Variants in CNTN4 observed in about 807,000 individuals in gnomAD.
The protein encoded by CNTN4 is contactin 4, also known as contactin-4.
A neutral mutation model predicts 122.5 loss-of-function variants in CNTN4; 77 were observed. The ratio of observed to expected loss-of-function variants is 0.63; its 90% confidence interval spans 0.52 to 0.76. The LOEUF is 0.76. Among genes scored for constraint, CNTN4 ranks in the 30% least tolerant of loss-of-function variants. The pLI is 0.00. For synonymous variants in CNTN4, 512 were observed against 447.0 expected, an observed-to-expected ratio of 1.15 and a Z score of -1.83; for missense variants, 1,256 against 1,259.1, an observed-to-expected ratio of 1.00 and a Z score of 0.04.
intron 23 of CNTN4, among the ~76,000 whole-genome samples, chr3:3,048,886 C>T (rs1377760816): frequency 6.6e-6 from 1 of 151,980 alleles, no homozygotes; most frequent in Non-Finnish European, 1.5e-5. Context: ...AGTTTAAGGC[C>T]CCAAATATTT....
At position 2,261,671 on chromosome 3, in the gene CNTN4, T is replaced by A. The variant is rs894160940; in HGVS notation, c.-144-77507T>A. 2.8e-4 allele frequency among the ~76,000 whole-genome samples: 42 copies of A among 152,190 alleles called. 1 individual carries two copies. Among genetic ancestry groups the A allele is most frequent in the African/African-American group, 9.7e-4 (40 of 41,442 alleles). On this transcript the variant is annotated intron_variant, in intron 2 of 24. Transcript: ENST00000418658. ...TTTCAGTTTGAAACGGTTCTAAAATTCTATGGAATAGTGAAGGCCCGCTTG... is the reference window on the plus strand; with the variant it reads ...TTTCAGTTTGAAACGGTTCTAAAATACTATGGAATAGTGAAGGCCCGCTTG...
chr3:2,826,722 AG>A (rs1285350308), intron 7 of CNTN4, among the ~76,000 whole-genome samples: 3 of 152,202 alleles, frequency 2.0e-5, no homozygotes, highest in Non-Finnish European at 4.4e-5. Flanking sequence ...CTATGCTGAC[AG>A]GTCACTGAGC....
At chr3:2,526,993 C>T (rs2077421317) in intron 3 of CNTN4, among the ~76,000 whole-genome samples, 1 of 152,126 alleles carries the variant, frequency 6.6e-6, no homozygotes, top group African/African-American at 2.4e-5. Flanking sequence ...ATACCATTAA[C>T]CTCTCTGGAC....
chr3:2,467,629 G>A (rs1257141659), intron 3 of CNTN4, among the ~76,000 whole-genome samples: 1 of 152,112 alleles, frequency 6.6e-6, no homozygotes, highest in African/African-American at 2.4e-5. Flanking sequence ...TATATGTAAA[G>A]GTCCAGGTAG....
chr3:2,319,834 T>C (rs2150201965), intron 2 of CNTN4, among the ~76,000 whole-genome samples: 1 of 152,296 alleles, frequency 6.6e-6, no homozygotes, highest in Non-Finnish European at 1.5e-5. Context: ...GTATATTCTT[T>C]TTGGTGTATA....
intron 3 of CNTN4, among the ~76,000 whole-genome samples, chr3:2,345,816 G>A (rs979937643): frequency 3.3e-5 from 5 of 152,198 alleles, no homozygotes; most frequent in Admixed American, 6.5e-5. Context: ...CTGATGATGA[G>A]TGGGCACCGA....
intron 10 of CNTN4, among the ~76,000 whole-genome samples, chr3:2,890,089 G>T (rs1195142042): frequency 1.3e-5 from 2 of 152,198 alleles, no homozygotes; most frequent in African/African-American, 4.8e-5. Context: ...TGTCAGCCAC[G>T]CTTGGTGTTA....
intron 12 of CNTN4, among the ~76,000 whole-genome samples, chr3:2,910,643 T>TTACTACTTTA (rs1454780586): frequency 6.6e-6 from 1 of 152,210 alleles, no homozygotes; most frequent in Non-Finnish European, 1.5e-5. Context: ...GTAAATGTAT[T>TTACTACTTTA]TACTACTTTA....
chr3:2,357,012 TTTATTATTACAACTTGATAACTAGACCAG>T, intron 3 of CNTN4, among the ~76,000 whole-genome samples: 1 of 152,318 alleles, frequency 6.6e-6, no homozygotes, highest in South Asian at 2.1e-4. Context: ...TATGGTGTTG[TTTATTATTACAACTTGATAACTAGACCAG>T]TACTTCTCAA....
chr3:2,508,808 T>C (rs186381396), intron 3 of CNTN4, among the ~76,000 whole-genome samples: 79 of 152,348 alleles, frequency 5.2e-4, no homozygotes, highest in Non-Finnish European at 6.8e-4. Context: ...TTTTTCCTTC[T>C]CTTTGTTATA....
intron 3 of CNTN4, among the ~76,000 whole-genome samples, chr3:2,443,571 C>G (rs1369152621): frequency 6.6e-6 from 1 of 152,174 alleles, no homozygotes; most frequent in Non-Finnish European, 1.5e-5. Context: ...CAAATCATCA[C>G]AAATCACAAT....
chr3:2,209,584 G>A (rs2038516143), intron 2 of CNTN4, among the ~76,000 whole-genome samples: 1 of 152,036 alleles, frequency 6.6e-6, no homozygotes, highest in Non-Finnish European at 1.5e-5. Flanking sequence ...TGGGTAGTTT[G>A]CCACTTACTA....
At chr3:2,646,614 T>C (rs1443019869) in intron 4 of CNTN4, among the ~76,000 whole-genome samples, 1 of 152,174 alleles carries the variant, frequency 6.6e-6, no homozygotes, top group Admixed American at 6.5e-5. Context: ...TATTAGTAAG[T>C]GTAAGAGTGT....
At chr3:2,353,177 G>A (rs1386875696) in intron 3 of CNTN4, among the ~76,000 whole-genome samples, 3 of 151,892 alleles carry the variant, frequency 2.0e-5, no homozygotes, top group Non-Finnish European at 4.4e-5. Flanking sequence ...TCAGCACTGT[G>A]TATCTAGGAT....
intron 2 of CNTN4, among the ~76,000 whole-genome samples, chr3:2,260,985 C>A (rs1326662864): frequency 1.3e-5 from 2 of 152,106 alleles, no homozygotes; most frequent in African/African-American, 2.4e-5. Flanking sequence ...CCTGCCTCGG[C>A]CTCCCAAAGT....
At position 2,519,784 on chromosome 3, in the gene CNTN4, G is replaced by A. The variant is rs144448333; in HGVS notation, c.-88-51632G>A. Reference sequence around the variant, plus strand: ...TTTTTAAAATGTGTGAAAGCTAAACGCATCTATCGAATTCATAACATCCAG... The same window carrying A: ...TTTTTAAAATGTGTGAAAGCTAAACACATCTATCGAATTCATAACATCCAG... On this transcript the variant is annotated intron_variant, in intron 3 of 24. Transcript: ENST00000418658. 1.2e-3 allele frequency among the ~76,000 whole-genome samples: 182 copies of A among 152,218 alleles called. 2 individuals carry two copies. Among genetic ancestry groups the A allele is most frequent in the African/African-American group, 4.2e-3 (173 of 41,554 alleles).
intron 4 of CNTN4, among the ~76,000 whole-genome samples, chr3:2,590,818 A>C (rs1271896120): frequency 6.6e-6 from 1 of 152,054 alleles, no homozygotes; most frequent in Non-Finnish European, 1.5e-5. Context: ...CCAGCAGAAA[A>C]ACTTTTCCTG....
chr3:2,306,948 T>C (rs1440783355), intron 2 of CNTN4, among the ~76,000 whole-genome samples: 2 of 152,158 alleles, frequency 1.3e-5, no homozygotes, highest in African/African-American at 2.4e-5. Context: ...ATAAAACTTA[T>C]ATTTATATAT....
chr3:2,340,710 T>TATAG, intron 3 of CNTN4, among the ~76,000 whole-genome samples: 30 of 18,304 alleles, frequency 1.6e-3, no homozygotes, highest in African/African-American at 2.3e-3. Flanking sequence ...TATATATATA[T>TATAG]AGAGAGAGAG....
Sources: gnomAD v4.1 joint callset for allele counts (sites outside exome capture counted in the v4.1 genomes callset) on GRCh38, gnomAD v4.1.1 for gene constraint, MANE v1.5 for transcripts, NCBI Gene and HGNC (gene_info 2026-07-23, HGNC 2026-07-21) for gene names.